The following ELOVL7 variants were observed in gnomAD, a reference collection of about 807,000 sequenced individuals.
The protein encoded by ELOVL7 is ELOVL fatty acid elongase 7.
ELOVL7 carries 27 observed loss-of-function variants against 35.7 expected under a neutral mutation model. The ratio of observed to expected loss-of-function variants is 0.76; its 90% CI spans 0.56 to 1.04. ELOVL7 has a LOEUF of 1.04. ELOVL7 is among the 50% of genes least tolerant of loss of function. The probability of loss-of-function intolerance (pLI) is 0.00; values close to 1 mark genes in which losing one functional copy is unlikely to be tolerated. For missense variants in ELOVL7, 327 were observed against 340.8 expected (o/e 0.96, Z 0.32); for synonymous variants, 113 against 114.6 (o/e 0.99, Z 0.09).
intron 3 of ELOVL7, among the ~76,000 whole-genome samples, chr5:60,785,223 C>CT: frequency 6.6e-6 from 1 of 152,296 alleles, no homozygotes; most frequent in South Asian, 2.1e-4. Context: ...CCTCTCTCCC[C>CT]TCATCTTCCC....
intron 1 of ELOVL7, among the ~76,000 whole-genome samples, chr5:60,800,151 A>C (rs1744516655): frequency 6.6e-6 from 1 of 152,120 alleles, no homozygotes; most frequent in African/African-American, 2.4e-5. Flanking sequence ...CATTACTCAG[A>C]TACCAAAACC....
intron 3 of ELOVL7, among the ~76,000 whole-genome samples, chr5:60,772,761 A>G (rs908122541): frequency 1.3e-5 from 2 of 152,224 alleles, no homozygotes; most frequent in African/African-American, 4.8e-5. Context: ...GTGCAAAGCT[A>G]TCTGGAAGAG....
intron 3 of ELOVL7, among the ~76,000 whole-genome samples, chr5:60,772,381 TG>T (rs1164833232): frequency 1.4e-4 from 22 of 152,100 alleles, no homozygotes; most frequent in African/African-American, 5.3e-4. Context: ...TCTTTCCCCA[TG>T]TAAGGATACA....
intron 4 of ELOVL7, among the ~76,000 whole-genome samples, chr5:60,770,593 C>A (rs1472361157): frequency 6.6e-6 from 1 of 152,118 alleles, no homozygotes; most frequent in East Asian, 1.9e-4. Flanking sequence ...TGCTCATACT[C>A]CTGAAGGGAC....
chr5:60,776,275 T>G (rs1215463021), intron 3 of ELOVL7, among the ~76,000 whole-genome samples: 3 of 152,220 alleles, frequency 2.0e-5, no homozygotes, highest in Non-Finnish European at 4.4e-5. Flanking sequence ...TTATACACTG[T>G]TGGTGGAAAT....
chr5:60,764,974 G>C (rs1035770019), intron 6 of ELOVL7, among the ~76,000 whole-genome samples: 1 of 152,180 alleles, frequency 6.6e-6, no homozygotes, highest in African/African-American at 2.4e-5. Context: ...ATTTGGGAGA[G>C]GGGGAAATTT....
intron 2 of ELOVL7, among the ~76,000 whole-genome samples, chr5:60,790,569 G>A (rs1161431252): frequency 6.6e-6 from 1 of 152,186 alleles, no homozygotes; most frequent in Non-Finnish European, 1.5e-5. Flanking sequence ...AGTCTTCTCA[G>A]CTGAGTTCAG....
rs765315081 is a variant in ELOVL7 at position 60,754,694 on chromosome 5, C to G, written c.776G>C (p.Arg259Pro). Residue 259 changes from arginine (R) to proline (P), a missense_variant, in exon 9 of 9, where the codon CGT becomes CCT. Arg to Pro is a moderately radical substitution (Grantham distance 103). Coordinates refer to ENST00000508821, the MANE Select transcript of ELOVL7 (RefSeq NM_024930.3). The stretch of plus-strand genomic sequence containing the variant: ...CAACCTCTGACCTTTGGTGTAAGCA[C>G]GGTACCAAAAATGGAGAAAGAGCAG... ...FLLLFLHFWY[R>P]AYTKGQRLPK... The G allele has an allele frequency of 6.2e-7, 1 of 1,614,038 alleles. No homozygotes were observed. Among genetic ancestry groups the G allele is most frequent in the South Asian group, 1.1e-5 (1 of 91,074 alleles).
At chr5:60,821,849 G>A (rs1278161399) in intron 1 of ELOVL7, among the ~76,000 whole-genome samples, 1 of 152,220 alleles carries the variant, frequency 6.6e-6, no homozygotes, top group Non-Finnish European at 1.5e-5. Flanking sequence ...TTCAAGTGTT[G>A]CTGAATTTGT....
chr5:60,800,767 C>G (rs899065753), intron 1 of ELOVL7, among the ~76,000 whole-genome samples: 3 of 145,476 alleles, frequency 2.1e-5, no homozygotes. Context: ...TTCTATTCAA[C>G]ATAGTAGTCT....
At chr5:60,787,966 T>TA (rs1260160865) in intron 2 of ELOVL7, among the ~76,000 whole-genome samples, 2 of 152,190 alleles carry the variant, frequency 1.3e-5, no homozygotes, top group Non-Finnish European at 2.9e-5. Context: ...AAAAGCTGCT[T>TA]AGTTTATCTA....
intron 3 of ELOVL7, among the ~76,000 whole-genome samples, chr5:60,783,073 C>G (rs1743359041): frequency 6.6e-6 from 1 of 152,048 alleles, no homozygotes; most frequent in Non-Finnish European, 1.5e-5. Context: ...TGTCAGCAGC[C>G]AACAATTTGT....
chr5:60,764,143 TA>T lies in ELOVL7; in HGVS notation c.499+83del. ...CTCTTTGATTTTTTTGAGTTTCTTA[TA>T]AATCACATTTTAGAAAAATATTTTG... On this transcript the variant is annotated intron_variant, in intron 7 of 8. Transcript: ENST00000508821. The T allele has an allele frequency of 5.7e-6, 5 of 883,612 alleles. No homozygotes were observed. In the South Asian group the frequency reaches 6.2e-5, roughly 11 times the overall value. The allele number at this position is 883,612 out of a possible 1,614,324, so 54.7% of individuals were successfully genotyped here. A position where few individuals can be genotyped will look rare whatever the true frequency, so the allele number is the denominator to read the frequency against.
chr5:60,781,737 T>C (rs1397999068), intron 3 of ELOVL7, among the ~76,000 whole-genome samples: 1 of 152,200 alleles, frequency 6.6e-6, no homozygotes, highest in African/African-American at 2.4e-5. Context: ...CTTTAGAAAT[T>C]CTATTTCAGC....
chr5:60,835,179 G>T (rs1015660961), intron 1 of ELOVL7, among the ~76,000 whole-genome samples: 4 of 135,742 alleles, frequency 2.9e-5, no homozygotes, highest in South Asian at 2.4e-4. Context: ...GACACAGTGA[G>T]ATCCCATCTT....
intron 3 of ELOVL7, among the ~76,000 whole-genome samples, chr5:60,782,284 C>T (rs1743302751): frequency 6.6e-6 from 1 of 152,076 alleles, no homozygotes; most frequent in African/African-American, 2.4e-5. Flanking sequence ...AAAGAGAACC[C>T]TTGTACAATG....
At chr5:60,771,039 T>C (rs1321677151) in intron 4 of ELOVL7, among the ~76,000 whole-genome samples, 1 of 152,128 alleles carries the variant, frequency 6.6e-6, no homozygotes, top group East Asian at 1.9e-4. Context: ...GATGGATCTG[T>C]AGCAAGAGTC....
At chr5:60,764,202 A>AAATT in intron 7 of ELOVL7, 25 bp downstream of exon 7, 2 of 1,500,100 alleles carry the variant, frequency 1.3e-6, no homozygotes, top group Non-Finnish European at 1.9e-6. Context: ...TTTATAACAC[A>AAATT]TGATCCCAAA....
At chr5:60,773,462 T>C (rs1742721497) in intron 3 of ELOVL7, among the ~76,000 whole-genome samples, 1 of 152,226 alleles carries the variant, frequency 6.6e-6, no homozygotes, top group Non-Finnish European at 1.5e-5. Context: ...TCAATTTTAG[T>C]GCTGGAGTGC....
Sources: gnomAD v4.1 joint callset for allele counts (sites outside exome capture counted in the v4.1 genomes callset) on GRCh38, gnomAD v4.1.1 for gene constraint, MANE v1.5 for transcripts, NCBI Gene and HGNC (gene_info 2026-07-23, HGNC 2026-07-21) for gene names.